DCC: variants seen among roughly 807,000 people sequenced by gnomAD.
DCC encodes the protein DCC netrin 1 receptor.
Under a neutral mutation model 172.5 loss-of-function variants are expected in DCC, and 58 were observed. The observed-to-expected ratio is 0.34, with a 90% CI of 0.27 to 0.42. The LOEUF is 0.42. Ranked by LOEUF, DCC falls within the 10% of genes least tolerant of loss-of-function variation. DCC has a pLI of 1.00. For synonymous variants in DCC, 709 were observed against 644.5 expected, an observed-to-expected ratio of 1.10 and a Z score of -1.52; for missense variants, 1,740 against 1,791.0, an observed-to-expected ratio of 0.97 and a Z score of 0.51.
chr18:53,133,769 T>C (rs1190261550), intron 7 of DCC, among the ~76,000 whole-genome samples: 1 of 152,166 alleles, frequency 6.6e-6, no homozygotes, highest in African/African-American at 2.4e-5. Flanking sequence ...TCCCAACATC[T>C]TCAAATAGGA....
chr18:53,299,850 C>A (rs2057112025), intron 12 of DCC, among the ~76,000 whole-genome samples: 1 of 152,072 alleles, frequency 6.6e-6, no homozygotes, highest in African/African-American at 2.4e-5. Context: ...TTTATTTAAC[C>A]ATTCTTGTCC....
chr18:52,674,730 G>A (rs2035619330), intron 1 of DCC, among the ~76,000 whole-genome samples: 1 of 152,208 alleles, frequency 6.6e-6, no homozygotes, highest in Admixed American at 6.5e-5. Flanking sequence ...CATCTCCACT[G>A]TAGCATGTTG....
chr18:52,864,944 C>T (rs1179259099), intron 2 of DCC, among the ~76,000 whole-genome samples: 1 of 152,034 alleles, frequency 6.6e-6, no homozygotes, highest in Non-Finnish European at 1.5e-5. Flanking sequence ...TGGCTCACTG[C>T]CAGCTCTGCC....
chr18:52,938,532 G>T (rs2040414643), intron 5 of DCC, among the ~76,000 whole-genome samples: 1 of 152,026 alleles, frequency 6.6e-6, no homozygotes, highest in South Asian at 2.1e-4. Context: ...AAGAATCATA[G>T]TATCATTATT....
chr18:53,435,013 G>C (rs764134256), intron 21 of DCC, 131 bp from the exon 22 acceptor site: 1 of 754,034 alleles, frequency 1.3e-6, no homozygotes, highest in Non-Finnish European at 2.4e-6. Context: ...AAGGGTATGA[G>C]AGTTGTCAGG....
At chr18:53,062,370 C>T (rs1390863337) in intron 5 of DCC, among the ~76,000 whole-genome samples, 6 of 152,016 alleles carry the variant, frequency 3.9e-5, no homozygotes, top group Non-Finnish European at 8.8e-5. Context: ...ACAAAAATGA[C>T]AAAAACACAG....
chr18:52,777,387 C>T (rs1028040334), intron 2 of DCC, among the ~76,000 whole-genome samples: 1 of 152,160 alleles, frequency 6.6e-6, no homozygotes, highest in Non-Finnish European at 1.5e-5. Flanking sequence ...CTGCTTCACT[C>T]CAATCTCAGT....
intron 1 of DCC, among the ~76,000 whole-genome samples, chr18:52,612,046 T>C (rs1411840429): frequency 6.6e-6 from 1 of 152,206 alleles, no homozygotes; most frequent in Admixed American, 6.5e-5. Flanking sequence ...GAGGCATTCA[T>C]CCACACTTCT....
chr18:52,675,018 C>T (rs1174576509), intron 1 of DCC, among the ~76,000 whole-genome samples: 1 of 152,156 alleles, frequency 6.6e-6, no homozygotes, highest in African/African-American at 2.4e-5. Context: ...CTTATCACAA[C>T]CCAGACATTC....
At chr18:52,996,361 C>A (rs904846342) in intron 5 of DCC, among the ~76,000 whole-genome samples, 18 of 151,830 alleles carry the variant, frequency 1.2e-4, no homozygotes, top group Non-Finnish European at 2.5e-4. Context: ...TCTTTTGAGG[C>A]CTTCTATTTT....
At chr18:53,052,780 G>C (rs1209407369) in intron 5 of DCC, among the ~76,000 whole-genome samples, 2 of 151,968 alleles carry the variant, frequency 1.3e-5, no homozygotes, top group Non-Finnish European at 2.9e-5. Context: ...TGGTCCATAA[G>C]CCTTACCTTA....
intron 25 of DCC, among the ~76,000 whole-genome samples, chr18:53,485,451 A>G (rs773843486): frequency 2.4e-4 from 37 of 152,232 alleles, no homozygotes; most frequent in Non-Finnish European, 4.4e-4. Context: ...ATTTTTGTTG[A>G]AATGATTTAT....
chr18:53,471,723 A>G (rs1016815375), intron 25 of DCC, among the ~76,000 whole-genome samples: 2 of 152,124 alleles, frequency 1.3e-5, no homozygotes, highest in Admixed American at 6.6e-5. Flanking sequence ...CTCTTTTTGT[A>G]GATATTTACA....
At chr18:52,798,857 A>G (rs1453200836) in intron 2 of DCC, among the ~76,000 whole-genome samples, 4 of 151,810 alleles carry the variant, frequency 2.6e-5, no homozygotes, top group Non-Finnish European at 4.4e-5. Context: ...GGTTCCAGTA[A>G]TTCTCCTGCC....
chr18:53,498,239 A>G (rs1428765948), intron 26 of DCC, among the ~76,000 whole-genome samples: 1 of 152,176 alleles, frequency 6.6e-6, no homozygotes, highest in Non-Finnish European at 1.5e-5. Context: ...GACCTCCTTG[A>G]GCCTCCGGGA....
rs542114556 is a variant in DCC, at chr18:53,105,211, A to G, written c.1261+39045A>G. 5.9e-5 allele frequency among the ~76,000 whole-genome samples: 9 copies of G among 152,178 alleles called. No individual in the cohort carries two copies. In the East Asian group the frequency reaches 1.8e-3, roughly 30 times the overall value. On this transcript the variant is annotated intron_variant, in intron 7 of 28. Coordinates refer to ENST00000442544, the MANE Select transcript of DCC (RefSeq NM_005215.4). ...GTTCTTTCTGGTGCTATTTCTTGAC[A>G]CAGAATTTCCTTAGCAGGCAGTTTA...
chr18:53,127,162 T>A (rs1350054809), intron 7 of DCC, among the ~76,000 whole-genome samples: 2 of 151,752 alleles, frequency 1.3e-5, no homozygotes, highest in East Asian at 1.9e-4. Flanking sequence ...CATTTAAATT[T>A]TTTTTTCATT....
At chr18:53,403,016 AT>A (rs999690358) in intron 19 of DCC, 123 bp downstream of exon 19, 1 of 744,370 alleles carries the variant, frequency 1.3e-6, no homozygotes, top group African/African-American at 1.7e-5. Flanking sequence ...AGCTGACTCC[AT>A]GACCCTTTTT....
chr18:52,723,538 C>A (rs1241342044), intron 1 of DCC, among the ~76,000 whole-genome samples: 1 of 152,088 alleles, frequency 6.6e-6, no homozygotes, highest in Non-Finnish European at 1.5e-5. Flanking sequence ...TTACCATTCC[C>A]AAAGGGACAC....
Sources: allele counts gnomAD v4.1 joint callset (sites outside exome capture counted in the v4.1 genomes callset), GRCh38; gene constraint gnomAD v4.1.1; transcripts MANE v1.5; gene names NCBI Gene and HGNC (gene_info 2026-07-23, HGNC 2026-07-21).